SOX6: variants seen among roughly 807,000 people sequenced by gnomAD.
SOX6 encodes transcription factor SOX-6.
A neutral mutation model predicts 97.8 loss-of-function variants in SOX6; 11 were observed. That is an observed-to-expected ratio of 0.11 (90% CI 0.07 to 0.19). The LOEUF (loss-of-function observed/expected upper bound fraction) is 0.19. SOX6 is among the 10% of genes least tolerant of loss of function. SOX6 has a pLI of 1.00. For missense variants in SOX6, 810 were observed against 1,039.5 expected (o/e 0.78, Z 3.04); for synonymous variants, 360 against 371.4 (o/e 0.97, Z 0.35).
chr11:16,276,922 T>C (rs529686607), intron 3 of SOX6, among the ~76,000 whole-genome samples: 217 of 152,324 alleles, frequency 1.4e-3, no homozygotes, highest in Non-Finnish European at 2.5e-3. Context: ...GCTGCAAAGA[T>C]TAAATGAGGT....
chr11:16,420,797 C>T (rs1859006588), intron 1 of SOX6, among the ~76,000 whole-genome samples: 1 of 152,130 alleles, frequency 6.6e-6, no homozygotes, highest in African/African-American at 2.4e-5. Context: ...GCTTAGAATA[C>T]ACCATTGCTT....
intron 3 of SOX6, among the ~76,000 whole-genome samples, chr11:16,656,520 T>C (rs1201955994): frequency 2.0e-5 from 3 of 152,146 alleles, no homozygotes; most frequent in Non-Finnish European, 4.4e-5. Flanking sequence ...TCTTAAACAA[T>C]TTTTCAGATT....
At chr11:16,022,493 C>A (rs1944710647) in intron 12 of SOX6, among the ~76,000 whole-genome samples, 1 of 151,880 alleles carries the variant, frequency 6.6e-6, no homozygotes, top group Non-Finnish European at 1.5e-5. Context: ...CTCACTGCAA[C>A]CTCTGCCTCC....
intron 3 of SOX6, among the ~76,000 whole-genome samples, chr11:16,295,515 T>C (rs1376167593): frequency 6.6e-6 from 1 of 152,042 alleles, no homozygotes; most frequent in East Asian, 1.9e-4. Flanking sequence ...GTAGATATAG[T>C]AATGGAGGTA....
At chr11:16,364,790 G>A (rs1857307912) in intron 1 of SOX6, among the ~76,000 whole-genome samples, 1 of 152,076 alleles carries the variant, frequency 6.6e-6, no homozygotes, top group Non-Finnish European at 1.5e-5. Context: ...AAGGGCAGAG[G>A]CAGTGTGACA....
chr11:16,227,314 G>C (rs940961475), intron 4 of SOX6, among the ~76,000 whole-genome samples: 23 of 151,966 alleles, frequency 1.5e-4, no homozygotes, highest in African/African-American at 4.8e-4. Context: ...ACCAGCATGG[G>C]GATACCCTGT....
At chr11:16,395,143 A>G (rs1858312450) in intron 1 of SOX6, among the ~76,000 whole-genome samples, 1 of 151,788 alleles carries the variant, frequency 6.6e-6, no homozygotes, top group Admixed American at 6.6e-5. Context: ...CCTGATAACA[A>G]CAACAAATAT....
At chr11:16,175,898 G>A (rs1424767308) in intron 6 of SOX6, among the ~76,000 whole-genome samples, 1 of 151,698 alleles carries the variant, frequency 6.6e-6, no homozygotes, top group Non-Finnish European at 1.5e-5. Context: ...CAAGTTATTA[G>A]AAAAACTAAC....
chr11:16,402,296 T>C (rs1565132765), intron 1 of SOX6, among the ~76,000 whole-genome samples: 1 of 151,688 alleles, frequency 6.6e-6, no homozygotes, highest in Non-Finnish European at 1.5e-5. Flanking sequence ...ATGGAACTCA[T>C]AGAATTTATG....
intron 2 of SOX6, among the ~76,000 whole-genome samples, chr11:16,715,267 A>G (rs1848211904): frequency 6.6e-6 from 1 of 152,236 alleles, no homozygotes; most frequent in Admixed American, 6.5e-5. Flanking sequence ...ACAATTACAT[A>G]TTGAAATAAT....
intron 9 of SOX6, among the ~76,000 whole-genome samples, chr11:16,056,180 T>A (rs951573270): frequency 6.6e-6 from 1 of 152,028 alleles, no homozygotes; most frequent in Admixed American, 6.5e-5. Context: ...TTTTTAATTG[T>A]ACAAAAAGGA....
chr11:16,200,938 T>C (rs958058064), intron 4 of SOX6, among the ~76,000 whole-genome samples: 2 of 151,874 alleles, frequency 1.3e-5, no homozygotes, highest in African/African-American at 4.8e-5. Context: ...AAACTCTGTC[T>C]CTACTAAAAA....
chr11:16,710,218 C>G, intron 3 of SOX6, among the ~76,000 whole-genome samples: 1 of 152,158 alleles, frequency 6.6e-6, no homozygotes, highest in East Asian at 1.9e-4. Flanking sequence ...CCCTATTCAA[C>G]GTTTCTAAAA....
chr11:16,593,251 T>C (rs1021892717), intron 4 of SOX6, among the ~76,000 whole-genome samples: 1 of 152,144 alleles, frequency 6.6e-6, no homozygotes, highest in African/African-American at 2.4e-5. Context: ...CAAGGAGTCA[T>C]GGAAATAGGG....
At chr11:16,570,380 G>T (rs1279368536) in intron 4 of SOX6, among the ~76,000 whole-genome samples, 1 of 148,472 alleles carries the variant, frequency 6.7e-6, no homozygotes, top group Admixed American at 6.7e-5. Context: ...ATGTCTACTT[G>T]CTTAGGTTTT....
chr11:16,536,967 G>A (rs757800581), intron 4 of SOX6, among the ~76,000 whole-genome samples: 8 of 152,180 alleles, frequency 5.3e-5, no homozygotes, highest in Non-Finnish European at 8.8e-5. Context: ...CCAGCACAGC[G>A]TTTGAGCTCT....
chr11:16,572,536 T>A (rs1444986241), intron 4 of SOX6, among the ~76,000 whole-genome samples: 2 of 152,216 alleles, frequency 1.3e-5, no homozygotes, highest in African/African-American at 2.4e-5. Context: ...AATGTTAAAG[T>A]CAGCTGTATT....
rs1853824927 is a variant in SOX6, at chr11:16,259,926, A to C, written c.446-25255T>G. ...TTGCATATTTTACCACACGCATGTTATACTTCAATGTCCCAAATATGTGTG... is the reference window on the plus strand; with the variant it reads ...TTGCATATTTTACCACACGCATGTTCTACTTCAATGTCCCAAATATGTGTG... On this transcript the variant is annotated intron_variant, in intron 3 of 15. Coordinates refer to ENST00000683767, the MANE Select transcript of SOX6 (RefSeq NM_001367873.1). 2.1e-5 allele frequency among the ~76,000 whole-genome samples: 3 copies of C among 145,244 alleles called. No homozygotes were observed. In the South Asian group the frequency reaches 6.7e-4, roughly 32 times the overall value.
Position 16,385,806 on chromosome 11 carries a change from T to C in SOX6, c.-4-44554A>G, listed in dbSNP as rs1012326494. ...AATCCCAGGCAACTGCCACATCATT[T>C]GTGACTGAATTGAGTCCAAAGGAGA... is the stretch of plus-strand genomic sequence containing the variant. On this transcript the variant is annotated intron_variant, in intron 1 of 15. Coordinates refer to the SOX6 transcript ENST00000396356. 1.1e-4 allele frequency among the ~76,000 whole-genome samples: 17 copies of C among 152,210 alleles called. 1 individual carries two copies. Among genetic ancestry groups the C allele is most frequent in the Non-Finnish European group, 5.9e-5 (4 of 68,022 alleles).
Sources: allele counts gnomAD v4.1 joint callset (sites outside exome capture counted in the v4.1 genomes callset), GRCh38; gene constraint gnomAD v4.1.1; transcripts MANE v1.5; gene names NCBI Gene and HGNC (gene_info 2026-07-23, HGNC 2026-07-21).